Variants in NALCN observed in about 807,000 individuals in gnomAD.
The protein encoded by NALCN is sodium leak channel, non-selective.
Under a neutral mutation model 225.3 loss-of-function variants are expected in NALCN, and 111 were observed. That is an observed-to-expected ratio of 0.49 (90% CI 0.42 to 0.58). The LOEUF (loss-of-function observed/expected upper bound fraction) is 0.58. Ranked by LOEUF, NALCN falls within the 20% of genes least tolerant of loss-of-function variation. The pLI, the probability that NALCN is intolerant of heterozygous loss-of-function variation, is 0.00. For synonymous variants in NALCN, 764 were observed against 769.0 expected (o/e 0.99, Z 0.11); for missense variants, 1,378 against 2,202.4 (o/e 0.63, Z 7.49).
intron 18 of NALCN, among the ~76,000 whole-genome samples, chr13:101,123,933 C>A (rs74678208): frequency 0.023 from 3,438 of 152,230 alleles, 141 homozygotes; most frequent in African/African-American, 0.079. Context: ...ACTCGCCTTG[C>A]GAGCGATCCT....
intron 10 of NALCN, among the ~76,000 whole-genome samples, chr13:101,278,522 CAAAAAAAAAAAA>C (rs3061766): frequency 4.1e-4 from 36 of 87,442 alleles, no homozygotes; most frequent in East Asian, 3.6e-4. Context: ...GACTCTGTCT[CAAAAAAAAAAAA>C]AAAAAAAAAA....
At chr13:101,073,520 T>C in intron 37 of NALCN, 64 bp downstream of exon 37, 2 of 1,340,194 alleles carry the variant, frequency 1.5e-6, no homozygotes, top group South Asian at 1.3e-5. Flanking sequence ...CCTGCCAACA[T>C]TGTGTTGCAA....
chr13:101,083,748 C>T lies in NALCN; in HGVS notation c.3546G>A (p.Leu1182=). The change falls in exon 31 of 44, where the codon CTG becomes CTA. Residue 1182 remains leucine, a synonymous_variant. Transcript: ENST00000251127. ...GAAGATGAAGAGGCTGTGCGATCTT[C>T]AGTCGGCTCTTCAGGTCTTCCCATC... ...QRRWEDLKSR[L]KIAQPLHLPP... is the part of the protein sequence containing the mutation. The T allele has an allele frequency of 6.2e-7, 1 of 1,613,954 alleles. No homozygotes were observed. The highest frequency in any genetic ancestry group is 8.5e-7 in the Non-Finnish European group (1 of 1,179,872).
intron 1 of NALCN, among the ~76,000 whole-genome samples, chr13:101,401,064 G>GT (rs2047465340): frequency 6.6e-6 from 1 of 152,136 alleles, no homozygotes; most frequent in Non-Finnish European, 1.5e-5. Flanking sequence ...GCGTCGTCAG[G>GT]TATTTCTTTA....
intron 10 of NALCN, among the ~76,000 whole-genome samples, chr13:101,283,686 T>C (rs1211776542): frequency 6.6e-6 from 1 of 152,126 alleles, no homozygotes; most frequent in Non-Finnish European, 1.5e-5. Context: ...AAATTCTTCA[T>C]TGATTCAATA....
In NALCN at chr13:101,068,705, A is replaced by G; in HGVS notation, c.4320T>C (p.Asn1440=). 1 of 1,603,030 alleles carries G rather than the reference A, an allele frequency of 6.2e-7. No homozygotes were observed. ...FYVIIAYIML[N]LLVAIIVENF... ...ACTAACATCACTTACCTACAAGCAG[A>G]TTTAGCATGATGTAGGCAATGATGA... Residue 1440 remains asparagine (N), a synonymous_variant, in exon 38 of 44, where the codon AAT becomes AAC. Transcript: ENST00000251127.
intron 13 of NALCN, among the ~76,000 whole-genome samples, chr13:101,205,714 T>A (rs1414727497): frequency 6.6e-6 from 1 of 152,154 alleles, no homozygotes; most frequent in African/African-American, 2.4e-5. Flanking sequence ...ATTTTGCTAA[T>A]GTCAGCCATA....
At chr13:101,223,516 T>A (rs1388306682) in intron 13 of NALCN, among the ~76,000 whole-genome samples, 1 of 152,196 alleles carries the variant, frequency 6.6e-6, no homozygotes, top group Non-Finnish European at 1.5e-5. Flanking sequence ...CTCTTTCTTT[T>A]CAATCTGATA....
intron 3 of NALCN, among the ~76,000 whole-genome samples, chr13:101,382,461 C>A (rs551131082): frequency 6.6e-6 from 1 of 151,848 alleles, no homozygotes; most frequent in South Asian, 2.1e-4. Context: ...TTAACAAAAT[C>A]ACTTCTCCAG....
intron 4 of NALCN, 65 bp from the exon 5 acceptor site, chr13:101,377,121 C>T: frequency 1.3e-6 from 2 of 1,597,924 alleles, no homozygotes; most frequent in Non-Finnish European, 1.7e-6. Flanking sequence ...AGTCATGGAA[C>T]ATACAGATGT....
chr13:101,157,956 T>C (rs922187880), intron 15 of NALCN, among the ~76,000 whole-genome samples: 1 of 152,132 alleles, frequency 6.6e-6, no homozygotes, highest in Non-Finnish European at 1.5e-5. Flanking sequence ...TTTCACCACG[T>C]TGGCCAGGCT....
At chr13:101,096,557 T>G (rs1594195131) in intron 27 of NALCN, among the ~76,000 whole-genome samples, 2 of 152,174 alleles carry the variant, frequency 1.3e-5, no homozygotes, top group Non-Finnish European at 2.9e-5. Flanking sequence ...GTTGTTTAGG[T>G]CTTGAGGTGG....
chr13:101,316,131 T>C (rs1566567514), intron 7 of NALCN, among the ~76,000 whole-genome samples: 1 of 152,198 alleles, frequency 6.6e-6, no homozygotes, highest in Non-Finnish European at 1.5e-5. Context: ...AGATCATATA[T>C]GAGAATCCAC....
chr13:101,256,428 G>A (rs1196328216), intron 11 of NALCN, among the ~76,000 whole-genome samples: 1 of 152,086 alleles, frequency 6.6e-6, no homozygotes, highest in Non-Finnish European at 1.5e-5. Context: ...ATCCCTAAAG[G>A]TGGATTGATT....
chr13:101,086,448 T>C (rs1436609030), intron 30 of NALCN, among the ~76,000 whole-genome samples: 1 of 152,038 alleles, frequency 6.6e-6, no homozygotes. Flanking sequence ...AAATTATTTA[T>C]AGTATTGTCT....
chr13:101,349,876 C>T (rs1053962109), intron 6 of NALCN, among the ~76,000 whole-genome samples: 1 of 152,144 alleles, frequency 6.6e-6, no homozygotes, highest in Middle Eastern at 3.2e-3. Flanking sequence ...GTCCCTTATT[C>T]AATTTGAAAT....
At position 101,242,237 on chromosome 13, in the gene NALCN, T is replaced by C. The variant is rs2041779717; in HGVS notation, c.1267-4315A>G. Among the ~76,000 whole-genome samples the C allele has an allele frequency of 4.7e-5, 5 of 106,268 alleles. 2 individuals are homozygous for C. The highest frequency in any genetic ancestry group is 6.8e-5 in the African/African-American group (2 of 29,612). 69.7% of individuals were successfully genotyped at this position (106,268 alleles called of 152,430 possible). On this transcript the variant is annotated intron_variant, in intron 11 of 43. Coordinates refer to ENST00000251127, the MANE Select transcript of NALCN (RefSeq NM_052867.4). Reference sequence around the variant, plus strand: ...CAAACAAAATGTGCCAAAGTTATACTTGGTCTTACGCTTCCTGTGTATTTT... The same window carrying C: ...CAAACAAAATGTGCCAAAGTTATACCTGGTCTTACGCTTCCTGTGTATTTT...
intron 7 of NALCN, among the ~76,000 whole-genome samples, chr13:101,338,629 T>G (rs2045460557): frequency 6.6e-6 from 1 of 152,236 alleles, no homozygotes; most frequent in Admixed American, 6.5e-5. Flanking sequence ...GTTTTTTTGC[T>G]GTGATTTATT....
intron 15 of NALCN, among the ~76,000 whole-genome samples, chr13:101,157,233 C>T (rs1167166125): frequency 6.6e-6 from 1 of 152,080 alleles, no homozygotes; most frequent in Non-Finnish European, 1.5e-5. Context: ...TGAGTTAGTA[C>T]ACATACATGT....
Sources: allele counts gnomAD v4.1 joint callset (sites outside exome capture counted in the v4.1 genomes callset), GRCh38; gene constraint gnomAD v4.1.1; transcripts MANE v1.5; gene names NCBI Gene and HGNC (gene_info 2026-07-23, HGNC 2026-07-21).